Variants in ITPR1 observed in about 807,000 individuals in gnomAD.
The protein encoded by ITPR1 is inositol 1,4,5-trisphosphate receptor type 1, also known as inositol 1,4,5-trisphosphate-gated calcium channel ITPR1.
In ITPR1, 96 loss-of-function variants were observed where a neutral mutation model predicts 318.4. The observed-to-expected ratio is 0.30, with a 90% confidence interval of 0.26 to 0.36. The LOEUF (loss-of-function observed/expected upper bound fraction) is 0.36, where lower values mean the gene tolerates loss of function less well. Among genes scored for constraint, ITPR1 ranks in the 10% least tolerant of loss-of-function variants. ITPR1 has a pLI of 1.00. For missense variants in ITPR1, 2,440 were observed against 3,460.2 expected (o/e 0.71, Z 7.40); for synonymous variants, 1,312 against 1,289.9 (o/e 1.02, Z -0.37).
chr3:4,558,744 A>G (rs907796526), intron 4 of ITPR1, among the ~76,000 whole-genome samples: 11 of 152,174 alleles, frequency 7.2e-5, no homozygotes, highest in Admixed American at 4.6e-4. Context: ...ACGAATCCAG[A>G]AAAATAGAGT....
rs541158622 is a variant in ITPR1, at chr3:4,580,686, G to T, written c.164-47077G>T. Reference sequence around the variant, plus strand: ...CTACTGTCCTTACCCCCAACCTCTTGCAGGGCCAGAATTTCTGTTGCTGAG... The same window carrying T: ...CTACTGTCCTTACCCCCAACCTCTTTCAGGGCCAGAATTTCTGTTGCTGAG... On this transcript the variant is annotated intron_variant, in intron 4 of 61. Transcript: ENST00000649015. 1.7e-4 allele frequency among the ~76,000 whole-genome samples: 25 copies of T among 150,990 alleles called. 1 individual carries two copies. In the South Asian group the frequency reaches 5.2e-3, roughly 31 times the overall value.
intron 4 of ITPR1, among the ~76,000 whole-genome samples, chr3:4,559,313 A>G (rs1051912268): frequency 1.1e-4 from 16 of 152,260 alleles, no homozygotes; most frequent in African/African-American, 3.1e-4. Context: ...GACTTACTGA[A>G]TAATATTTGA....
chr3:4,672,696 A>G (rs962179665), intron 20 of ITPR1, among the ~76,000 whole-genome samples: 29 of 152,194 alleles, frequency 1.9e-4, no homozygotes. Context: ...GATCTTTAAA[A>G]TGTTATAAAA....
intron 4 of ITPR1, among the ~76,000 whole-genome samples, chr3:4,572,065 G>A (rs962303878): frequency 1.3e-5 from 2 of 152,204 alleles, no homozygotes; most frequent in African/African-American, 4.8e-5. Flanking sequence ...GAGTCTCCTA[G>A]AGCTGAGTGC....
intron 4 of ITPR1, among the ~76,000 whole-genome samples, chr3:4,559,378 T>A (rs1559446677): frequency 6.6e-6 from 1 of 152,222 alleles, no homozygotes; most frequent in Non-Finnish European, 1.5e-5. Context: ...GAAGTTTTAA[T>A]TGGCTTTTAA....
intron 4 of ITPR1, among the ~76,000 whole-genome samples, chr3:4,573,186 T>G (rs2088215646): frequency 6.6e-6 from 1 of 152,242 alleles, no homozygotes; most frequent in African/African-American, 2.4e-5. Flanking sequence ...TACAGTTGTT[T>G]CGTTTTATAA....
chr3:4,503,324 G>A (rs1327354806), intron 2 of ITPR1, among the ~76,000 whole-genome samples: 2 of 152,096 alleles, frequency 1.3e-5, no homozygotes, highest in Non-Finnish European at 1.5e-5. Flanking sequence ...TGGGGACTCC[G>A]CAGTACCGAG....
intron 53 of ITPR1, 158 bp from the exon 54 acceptor site, chr3:4,800,267 G>A: frequency 1.6e-6 from 1 of 618,106 alleles, no homozygotes; most frequent in Non-Finnish European, 2.7e-6. Flanking sequence ...AAATGCTGAT[G>A]GGACTGGTTA....
At chr3:4,662,762 CTCTT>C (rs1280572573) in intron 15 of ITPR1, among the ~76,000 whole-genome samples, 8 of 152,086 alleles carry the variant, frequency 5.3e-5, no homozygotes, top group African/African-American at 1.9e-4. Context: ...ACCTCACTCT[CTCTT>C]TCTGTCTCTA....
rs1006324913 is a variant in ITPR1, at chr3:4,702,817, T to C, written c.4537-13T>C. Reference sequence around the variant, plus strand: ...AATCTGTTTTTCACGTTGCCTCTTTTGGCTTCTTGCAGACTCGCCAGCCTG... The same window carrying C: ...AATCTGTTTTTCACGTTGCCTCTTTCGGCTTCTTGCAGACTCGCCAGCCTG... On this transcript the variant is annotated splice_polypyrimidine_tract_variant and intron_variant, in intron 35 of 61. Transcript: ENST00000649015. 1.9e-6 allele frequency: 3 copies of C among 1,613,072 alleles called. No individual in the cohort carries two copies. The South Asian group carries it at 3.3e-5, about 18-fold the overall frequency.
chr3:4,729,057 C>A (rs183414584), intron 42 of ITPR1, among the ~76,000 whole-genome samples: 2 of 152,248 alleles, frequency 1.3e-5, no homozygotes, highest in Non-Finnish European at 1.5e-5. Context: ...GTCCTAGGTC[C>A]TAGGAGTAGC....
At chr3:4,752,786 A>G (rs1179447221) in intron 44 of ITPR1, among the ~76,000 whole-genome samples, 1 of 152,198 alleles carries the variant, frequency 6.6e-6, no homozygotes, top group Non-Finnish European at 1.5e-5. Context: ...GGCTTGTGTC[A>G]CCACAGCCGG....
intron 12 of ITPR1, among the ~76,000 whole-genome samples, chr3:4,656,741 A>G (rs1025975501): frequency 6.6e-6 from 1 of 152,134 alleles, no homozygotes; most frequent in African/African-American, 2.4e-5. Flanking sequence ...TTCCTGGTGA[A>G]GTCTCCTTCC....
intron 19 of ITPR1, among the ~76,000 whole-genome samples, chr3:4,670,306 T>C (rs888042538): frequency 1.2e-4 from 18 of 152,258 alleles, no homozygotes; most frequent in African/African-American, 3.9e-4. Flanking sequence ...TGATACTTCA[T>C]TGATTCACAT....
intron 4 of ITPR1, among the ~76,000 whole-genome samples, chr3:4,615,446 G>A (rs1026755669): frequency 1.4e-5 from 2 of 143,502 alleles, no homozygotes; most frequent in African/African-American, 2.6e-5. Flanking sequence ...GCACGATCTC[G>A]TCTCACTGCA....
chr3:4,519,596 C>A (rs756440071), intron 3 of ITPR1, among the ~76,000 whole-genome samples: 6 of 152,176 alleles, frequency 3.9e-5, no homozygotes, highest in Non-Finnish European at 7.4e-5. Context: ...TATGTTAGCT[C>A]TGGGGGCATT....
intron 46 of ITPR1, among the ~76,000 whole-genome samples, chr3:4,773,951 C>G (rs971193937): frequency 1.3e-5 from 2 of 152,206 alleles, no homozygotes; most frequent in Non-Finnish European, 2.9e-5. Context: ...AGCTCTTAAC[C>G]TGTGCATTTA....
At chr3:4,730,782 C>A (rs1362704797) in intron 42 of ITPR1, among the ~76,000 whole-genome samples, 1 of 152,182 alleles carries the variant, frequency 6.6e-6, no homozygotes, top group Non-Finnish European at 1.5e-5. Context: ...CCAGTTGAGA[C>A]CCCCTTAAGA....
chr3:4,682,574 TG>T (rs1395047314), intron 26 of ITPR1, among the ~76,000 whole-genome samples: 13 of 152,236 alleles, frequency 8.5e-5, no homozygotes, highest in African/African-American at 3.1e-4. Context: ...TGTACTATGA[TG>T]GAAGATGTTT....
Sources: allele counts gnomAD v4.1 joint callset (sites outside exome capture counted in the v4.1 genomes callset), GRCh38; gene constraint gnomAD v4.1.1; transcripts MANE v1.5; gene names NCBI Gene and HGNC (gene_info 2026-07-23, HGNC 2026-07-21).